Variants in APBB1IP observed in about 807,000 individuals in gnomAD.
APBB1IP encodes amyloid beta precursor protein binding family B member 1 interacting protein.
In APBB1IP, 27 loss-of-function variants were observed where a neutral mutation model predicts 64.9. The observed-to-expected ratio is 0.42, with a 90% CI of 0.31 to 0.57. APBB1IP has a LOEUF of 0.57. APBB1IP is among the 20% of genes least tolerant of loss of function. APBB1IP has a pLI of 0.20. For synonymous variants in APBB1IP, 392 were observed against 331.0 expected (o/e 1.18, Z -2.00); for missense variants, 812 against 845.5 (o/e 0.96, Z 0.49).
chr10:26,487,979 A>C, intron 2 of APBB1IP, among the ~76,000 whole-genome samples: 1 of 152,224 alleles, frequency 6.6e-6, no homozygotes, highest in East Asian at 1.9e-4. Flanking sequence ...AAAATCTGAA[A>C]TGTGTTAACA....
intron 13 of APBB1IP, 42 bp downstream of exon 13, chr10:26,560,886 G>T (rs752944816): frequency 1.4e-6 from 2 of 1,467,632 alleles, no homozygotes; most frequent in Admixed American, 2.1e-5. Flanking sequence ...TTCAAAGCTT[G>T]GTGCTCCAGT....
intron 2 of APBB1IP, among the ~76,000 whole-genome samples, chr10:26,466,448 A>C (rs1382841535): frequency 1.3e-5 from 2 of 152,194 alleles, no homozygotes; most frequent in African/African-American, 2.4e-5. Flanking sequence ...CTTGAATATG[A>C]GTAAAGAAAG....
intron 8 of APBB1IP, among the ~76,000 whole-genome samples, chr10:26,527,795 C>T (rs978129852): frequency 2.0e-5 from 3 of 149,150 alleles, no homozygotes; most frequent in South Asian, 2.1e-4. Context: ...CGGGTTCAAG[C>T]GATTCTGCTG....
chr10:26,531,503 T>C (rs1026164433), intron 8 of APBB1IP, among the ~76,000 whole-genome samples: 1 of 151,870 alleles, frequency 6.6e-6, no homozygotes, highest in Admixed American at 6.6e-5. Context: ...CCATCTCTAC[T>C]AAAAATACAA....
At chr10:26,469,758 C>T (rs1186565275) in intron 2 of APBB1IP, among the ~76,000 whole-genome samples, 2 of 152,074 alleles carry the variant, frequency 1.3e-5, no homozygotes. Context: ...AAACTTGCCT[C>T]TCCTCCCTCC....
chr10:26,565,054 A>G (rs866963904), intron 14 of APBB1IP, among the ~76,000 whole-genome samples: 9 of 152,278 alleles, frequency 5.9e-5, no homozygotes, highest in African/African-American at 2.2e-4. Flanking sequence ...GGTCTTTGCC[A>G]GGCAACATAT....
intron 2 of APBB1IP, among the ~76,000 whole-genome samples, chr10:26,451,943 C>T (rs1024511571): frequency 6.6e-6 from 1 of 152,116 alleles, no homozygotes; most frequent in Non-Finnish European, 1.5e-5. Context: ...TCAACACTTC[C>T]TTTCAAAACA....
chr10:26,533,116 G>A (rs1836575094), intron 8 of APBB1IP, among the ~76,000 whole-genome samples: 1 of 152,164 alleles, frequency 6.6e-6, no homozygotes, highest in South Asian at 2.1e-4. Flanking sequence ...AGTGCCTTGG[G>A]GACTTCCAGC....
intron 2 of APBB1IP, among the ~76,000 whole-genome samples, chr10:26,441,342 C>G (rs942614583): frequency 5.3e-5 from 8 of 152,098 alleles, no homozygotes; most frequent in African/African-American, 1.9e-4. Context: ...TGCTAGATAT[C>G]TGGAACAGTA....
intron 4 of APBB1IP, among the ~76,000 whole-genome samples, chr10:26,497,929 G>T (rs1836048221): frequency 6.6e-6 from 1 of 151,832 alleles, no homozygotes. Flanking sequence ...GTTTTGCCAT[G>T]TTGGCTAGGC....
intron 8 of APBB1IP, among the ~76,000 whole-genome samples, chr10:26,521,554 G>T (rs1236896197): frequency 6.6e-6 from 1 of 151,946 alleles, no homozygotes; most frequent in East Asian, 1.9e-4. Flanking sequence ...TCTTCCCTTT[G>T]GTGGACTTCC....
At chr10:26,453,713 A>G (rs3920764) in intron 2 of APBB1IP, among the ~76,000 whole-genome samples, 53,584 of 152,032 alleles carry the variant, frequency 0.35, 9,620 homozygotes, top group South Asian at 0.5. Flanking sequence ...GATACTGGCC[A>G]ATAAGCACAG....
chr10:26,492,843 A>G (rs930448678), intron 3 of APBB1IP, among the ~76,000 whole-genome samples: 4 of 152,198 alleles, frequency 2.6e-5, no homozygotes, highest in African/African-American at 9.6e-5. Flanking sequence ...CCCGCTGTGC[A>G]CGCATTGTCA....
At chr10:26,511,623 G>T in intron 6 of APBB1IP, 124 bp from the exon 7 acceptor site, 1 of 1,159,404 alleles carries the variant, frequency 8.6e-7, no homozygotes, top group East Asian at 2.5e-5. Context: ...AGTTTAGATG[G>T]AGCAAGTTCA....
At position 26,567,509 on chromosome 10, in the gene APBB1IP, C is replaced by G. The variant is rs774121180; in HGVS notation, c.*21C>G. 2.6e-6 allele frequency: 4 copies of G among 1,542,000 alleles called. No homozygotes were observed. Among genetic ancestry groups the G allele is most frequent in the South Asian group, 2.2e-5 (2 of 90,244 alleles). On this transcript the variant is annotated 3_prime_UTR_variant, in exon 15 of 15. Coordinates refer to ENST00000376236, the MANE Select transcript of APBB1IP (RefSeq NM_019043.4). ...CCTAGGGACGGGCATGATGAGTGTT[C>G]CAGAGGGAGAAGCATCGCTGACCCC...
At chr10:26,462,095 T>G (rs1835599662) in intron 2 of APBB1IP, among the ~76,000 whole-genome samples, 1 of 152,204 alleles carries the variant, frequency 6.6e-6, no homozygotes, top group Non-Finnish European at 1.5e-5. Context: ...GCCATGCTTG[T>G]TTGTTTACGT....
At chr10:26,512,004 A>G (rs898083379) in intron 7 of APBB1IP, 98 bp downstream of exon 7, 17 of 1,348,684 alleles carry the variant, frequency 1.3e-5, no homozygotes, top group Middle Eastern at 4.2e-4. Context: ...TTAATTTTAT[A>G]TAAAAAATAG....
chr10:26,548,103 G>A (rs1836789104), intron 11 of APBB1IP, among the ~76,000 whole-genome samples: 2 of 152,106 alleles, frequency 1.3e-5, no homozygotes, highest in African/African-American at 2.4e-5. Context: ...TTTGCTCAAG[G>A]TTGCTTTGGC....
chr10:26,553,108 G>A (rs893818600), intron 11 of APBB1IP, among the ~76,000 whole-genome samples: 2 of 151,828 alleles, frequency 1.3e-5, no homozygotes, highest in African/African-American at 4.8e-5. Context: ...TGCAACCTCC[G>A]CCTCCCAGGT....
Sources: gnomAD v4.1 joint callset for allele counts (sites outside exome capture counted in the v4.1 genomes callset) on GRCh38, gnomAD v4.1.1 for gene constraint, MANE v1.5 for transcripts, NCBI Gene and HGNC (gene_info 2026-07-23, HGNC 2026-07-21) for gene names.